OXNAD1: variants seen among roughly 807,000 people sequenced by gnomAD.
The protein encoded by OXNAD1 is oxidoreductase NAD binding domain containing 1.
In OXNAD1, 34 loss-of-function variants were observed where a neutral mutation model predicts 32.9. That is an observed-to-expected ratio of 1.03 (90% CI 0.79 to 1.38). OXNAD1 has a LOEUF of 1.38. Ranked by LOEUF, OXNAD1 falls within the 40% of genes most tolerant of loss-of-function variation. OXNAD1 has a pLI of 0.00. For synonymous variants in OXNAD1, 134 were observed against 135.2 expected, an observed-to-expected ratio of 0.99 and a Z score of 0.06; for missense variants, 407 against 379.4, an observed-to-expected ratio of 1.07 and a Z score of -0.60.
At position 16,314,674 on chromosome 3, in the gene OXNAD1, A is replaced by G. The variant is rs1295630323; in HGVS notation, c.*30+11082A>G. On this transcript the variant is annotated intron_variant, in intron 9 of 9. Coordinates refer to the OXNAD1 transcript ENST00000435829. This position sits in a 1 kb window ranked among gnomAD's most constrained non-coding sequence, Gnocchi z 4.4. The stretch of plus-strand genomic sequence containing the variant: ...AACTGTTAGCCTGACACTAGGGCCA[A>G]ACTCTCTTGAGGAATTCAAATTATT... 1.3e-5 allele frequency: 2 copies of G among 151,174 alleles called. No homozygotes were observed. Among genetic ancestry groups the G allele is most frequent in the Non-Finnish European group, 2.9e-5 (2 of 68,042 alleles). The allele number at this position is 151,174 out of a possible 1,614,324, so 9.4% of individuals were successfully genotyped here.
chr3:16,329,268 T>C lies in OXNAD1; in HGVS notation c.*31-7844T>C, dbSNP rs149090257. Among the ~76,000 whole-genome samples, 25 of 152,322 alleles carry C rather than the reference T, an allele frequency of 1.6e-4. No homozygotes were observed. In the East Asian group the frequency reaches 4.8e-3, roughly 29 times the overall value. ...CCAGGACCAGGAGCCAAGAACTGTC[T>C]GTCCTTTATAAATTGCCTGATCTCA... is the stretch of plus-strand genomic sequence containing the variant. On this transcript the variant is annotated intron_variant, in intron 9 of 9. Transcript: ENST00000435829. This position sits in a 1 kb window ranked among gnomAD's most constrained non-coding sequence, Gnocchi z 4.5.
At chr3:16,313,205 A>ATTTTTTTTTTTTTTTTGTTTTTTTTTTT (rs2068094449) in intron 9 of OXNAD1, among the ~76,000 whole-genome samples, 1 of 103,806 alleles carries the variant, frequency 9.6e-6, no homozygotes, top group African/African-American at 4.4e-5. Flanking sequence ...CACCCAGCGG[A>ATTTTTTTTTTTTTTTTGTTTTTTTTTTT]TTTTTTTTTT....
At chr3:16,328,507 A>G (rs1028650734) in intron 9 of OXNAD1, among the ~76,000 whole-genome samples, 5 of 152,248 alleles carry the variant, frequency 3.3e-5, no homozygotes, top group African/African-American at 1.2e-4. Context: ...CACCAGTTCC[A>G]GAGTGGCTAT....
chr3:16,337,835 T>A (rs1329247853), downstream of OXNAD1, among the ~76,000 whole-genome samples: 1 of 152,164 alleles, frequency 6.6e-6, no homozygotes, highest in African/African-American at 2.4e-5. This position sits in a 1 kb window ranked among gnomAD's most constrained non-coding sequence, Gnocchi z 5.0. Context: ...TCCTAATTTG[T>A]CACCACACTC....
At chr3:16,273,212 C>T (rs1559725094) in intron 4 of OXNAD1, among the ~76,000 whole-genome samples, 1 of 152,062 alleles carries the variant, frequency 6.6e-6, no homozygotes, top group Non-Finnish European at 1.5e-5. Context: ...CATTTACAAA[C>T]AATTAGTATA....
intron 9 of OXNAD1, among the ~76,000 whole-genome samples, chr3:16,324,652 G>GTA (rs2069507044): frequency 9.9e-6 from 1 of 100,704 alleles, no homozygotes; most frequent in Admixed American, 1.0e-4. Flanking sequence ...TCCATTGTGT[G>GTA]TGTGTGTGTG....
At chr3:16,295,068 A>C in intron 6 of OXNAD1, 71 bp downstream of exon 6, 93 of 1,475,856 alleles carry the variant, frequency 6.3e-5, no homozygotes, top group Non-Finnish European at 7.9e-5. Context: ...TGTTAAGCTC[A>C]TTTGATTCAC....
chr3:16,286,702 A>G (rs891313678), intron 5 of OXNAD1, among the ~76,000 whole-genome samples: 1 of 152,148 alleles, frequency 6.6e-6, no homozygotes, highest in Admixed American at 6.5e-5. Flanking sequence ...TCCACATTCA[A>G]ACAAAGCTAG....
In OXNAD1 at chr3:16,344,737, G is replaced by T. The variant is rs1208047115; in HGVS notation, c.*31-4439G>T. Among the ~76,000 whole-genome samples, 1 of 152,218 alleles carries T rather than the reference G, an allele frequency of 6.6e-6. No homozygotes were observed. The highest frequency in any genetic ancestry group is 1.5e-5 in the Non-Finnish European group (1 of 68,044). ...CCCAATGAAAGCACATCGTTGCCAA[G>T]TGCGGCCTCTCAATCAGTTATACAC... On this transcript the variant is annotated intron_variant, in intron 9 of 9. Transcript: ENST00000606098. This position sits in a 1 kb window ranked among gnomAD's most constrained non-coding sequence, Gnocchi z 4.4.
chr3:16,310,107 C>T (rs991270694), downstream of OXNAD1, among the ~76,000 whole-genome samples: 1 of 152,192 alleles, frequency 6.6e-6, no homozygotes, highest in African/African-American at 2.4e-5. Flanking sequence ...AGTGGAATTA[C>T]CGTTAGTAAG....
At chr3:16,307,882 T>G (rs1342581089), downstream of OXNAD1, among the ~76,000 whole-genome samples, 1 of 152,194 alleles carries the variant, frequency 6.6e-6, no homozygotes, top group Non-Finnish European at 1.5e-5. Flanking sequence ...TACAGCTAAA[T>G]TGGTACAGTA....
chr3:16,331,871 T>TTAAC lies in OXNAD1; in HGVS notation c.*31-5237_*31-5234dup, dbSNP rs375930797. ...GTGCATTTCTAAAAATGCCTTTGTGTTAACTAATAGTTTAGGTACAGACGT... is the reference window on the plus strand; with the variant it reads ...GTGCATTTCTAAAAATGCCTTTGTGTTAACTAACTAATAGTTTAGGTACAGACGT... On this transcript the variant is annotated intron_variant, in intron 9 of 9. Coordinates refer to the OXNAD1 transcript ENST00000435829. 7.6e-4 allele frequency among the ~76,000 whole-genome samples: 116 copies of TTAAC among 152,380 alleles called. 1 individual carries two copies. The highest frequency in any genetic ancestry group is 1.6e-3 in the Non-Finnish European group (108 of 68,042).
chr3:16,330,512 C>T (rs914858128), intron 9 of OXNAD1, among the ~76,000 whole-genome samples: 1 of 152,152 alleles, frequency 6.6e-6, no homozygotes, highest in African/African-American at 2.4e-5. Context: ...GAAGAAAGCA[C>T]CAACAACACT....
Position 16,314,577 on chromosome 3 carries a change from C to T in OXNAD1, c.*30+10985C>T, listed in dbSNP as rs2068202772. 1 of 152,292 alleles carries T rather than the reference C, an allele frequency of 6.6e-6. No individual in the cohort carries two copies. The highest frequency in any genetic ancestry group is 2.4e-5 in the African/African-American group (1 of 41,558). The allele number at this position is 152,292 out of a possible 1,614,324, so 9.4% of individuals were successfully genotyped here. A position where few individuals can be genotyped will look rare whatever the true frequency, so the allele number is the denominator to read the frequency against. Reference sequence around the variant, plus strand: ...CAAGCTGCTGCTAACTTAACACCCTCCACTGTAGACTGATTTTTGCCAGAA... The same window carrying T: ...CAAGCTGCTGCTAACTTAACACCCTTCACTGTAGACTGATTTTTGCCAGAA... On this transcript the variant is annotated intron_variant, in intron 9 of 9. Coordinates refer to the OXNAD1 transcript ENST00000435829. This position sits in a 1 kb window ranked among gnomAD's most constrained non-coding sequence, Gnocchi z 4.4.
chr3:16,271,095 C>A lies in OXNAD1; in HGVS notation c.119+24C>A. On this transcript the variant is annotated intron_variant, in intron 3 of 8. Transcript: ENST00000285083. The surrounding 1 kb of genome is among the most constrained non-coding windows in gnomAD (Gnocchi z 4.6). ...AGGTGAGTCATTAAGACTTCTGTGTCATTTGAAGTTAATTTTCAAAGAGAC... is the reference window on the plus strand; with the variant it reads ...AGGTGAGTCATTAAGACTTCTGTGTAATTTGAAGTTAATTTTCAAAGAGAC... The A allele has an allele frequency of 6.2e-7, 1 of 1,609,958 alleles. No individual in the cohort carries two copies. Among genetic ancestry groups the A allele is most frequent in the South Asian group, 1.1e-5 (1 of 90,466 alleles).
rs768045866 is a variant in OXNAD1, at chr3:16,316,782, C to G, written c.*30+13190C>G. On this transcript the variant is annotated intron_variant, in intron 9 of 9. Coordinates refer to the OXNAD1 transcript ENST00000435829. The surrounding 1 kb of genome is among the most constrained non-coding windows in gnomAD (Gnocchi z 4.5). ...CCCAAACCAGCTGTTGGTAAGATGC[C>G]TTGGGTTTGGCAACTCACCTAGTTT... The G allele has an allele frequency of 6.2e-7, 1 of 1,610,572 alleles. No homozygotes were observed. Among genetic ancestry groups the G allele is most frequent in the Non-Finnish European group, 8.5e-7 (1 of 1,178,352 alleles).
chr3:16,294,530 G>T (rs2066642073), intron 5 of OXNAD1, among the ~76,000 whole-genome samples: 1 of 152,080 alleles, frequency 6.6e-6, no homozygotes, highest in Non-Finnish European at 1.5e-5. Flanking sequence ...TTTTCTTTGT[G>T]GGAAGTTTTA....
At position 16,288,904 on chromosome 3, in the gene OXNAD1, G is replaced by C. The variant is rs1435052312; in HGVS notation, c.290+2456G>C. On this transcript the variant is annotated intron_variant, in intron 5 of 8. Transcript: ENST00000285083. This position sits in a 1 kb window ranked among gnomAD's most constrained non-coding sequence, Gnocchi z 5.1. ...AGTTTCTAGATTCACATTTGGCTGTGGTGCTCACTGCCTGCCTCTGGCATT... is the reference window on the plus strand; with the variant it reads ...AGTTTCTAGATTCACATTTGGCTGTCGTGCTCACTGCCTGCCTCTGGCATT... 1.3e-5 allele frequency among the ~76,000 whole-genome samples: 2 copies of C among 152,192 alleles called. No homozygotes were observed. Among genetic ancestry groups the C allele is most frequent in the Admixed American group, 1.3e-4 (2 of 15,280 alleles).
intron 4 of OXNAD1, among the ~76,000 whole-genome samples, chr3:16,279,052 A>G (rs2065554638): frequency 6.6e-6 from 1 of 152,236 alleles, no homozygotes; most frequent in Non-Finnish European, 1.5e-5. Flanking sequence ...CTGTTTCTCA[A>G]CAGTTATTCC....
Sources: gnomAD v4.1 joint callset for allele counts (sites outside exome capture counted in the v4.1 genomes callset) on GRCh38, gnomAD v4.1.1 for gene constraint, Gnocchi (gnomAD v3.1) non-coding constraint, MANE v1.5 for transcripts, NCBI Gene and HGNC (gene_info 2026-07-23, HGNC 2026-07-21) for gene names.